ZSCAN21: variants seen among roughly 807,000 people sequenced by gnomAD.
ZSCAN21 encodes the protein zinc finger and SCAN domain-containing protein 21.
A neutral mutation model predicts 35.6 loss-of-function variants in ZSCAN21; 26 were observed. That is an observed-to-expected ratio of 0.73 (90% confidence interval 0.54 to 1.01). ZSCAN21 has a LOEUF of 1.01. Among genes scored for constraint, ZSCAN21 ranks in the 50% least tolerant of loss-of-function variants. The probability of loss-of-function intolerance (pLI) is 0.00; values close to 1 mark genes in which losing one functional copy is unlikely to be tolerated. For missense variants in ZSCAN21, 593 were observed against 587.1 expected, an observed-to-expected ratio of 1.01 and a Z score of -0.10; for synonymous variants, 219 against 219.3, an observed-to-expected ratio of 1.00 and a Z score of 0.01.
At position 100,064,690 on chromosome 7, in the gene ZSCAN21, G is replaced by A. The variant is rs149658742; in HGVS notation, c.*73G>A. 70 of 1,605,838 alleles carry A rather than the reference G, an allele frequency of 4.4e-5. No homozygotes were observed. The African/African-American group carries it at 7.8e-4, about 18-fold the overall frequency. ...AAAACCAGAAAGAAGTCTTGTCATT[G>A]CAGCAGCATCGATTCCGGTGATAGA... On this transcript the variant is annotated 3_prime_UTR_variant, in exon 4 of 4. Transcript: ENST00000292450.
Position 100,065,003 on chromosome 7 carries a change from T to A in ZSCAN21, c.*386T>A. 6.7e-7 allele frequency: 1 copy of A among 1,497,570 alleles called. No homozygotes were observed. The highest frequency in any genetic ancestry group is 9.1e-7 in the Non-Finnish European group (1 of 1,094,622). The allele number at this position is 1,497,570 out of a possible 1,614,324, so 92.8% of individuals were successfully genotyped here. Reference sequence around the variant, plus strand: ...AAGAATTGAGCCACATTGAACACAATTGAATGAGATTCAGAATAAACTTAT... The same window carrying A: ...AAGAATTGAGCCACATTGAACACAAATGAATGAGATTCAGAATAAACTTAT... On this transcript the variant is annotated 3_prime_UTR_variant, in exon 4 of 4. Transcript: ENST00000292450.
intron 1 of ZSCAN21, among the ~76,000 whole-genome samples, chr7:100,053,140 AAAG>A (rs1252213040): frequency 6.6e-6 from 1 of 152,032 alleles, no homozygotes; most frequent in East Asian, 1.9e-4. Context: ...AAAAAAAAAA[AAAG>A]AACTGATGTG....
chr7:100,061,864 T>C (rs937370750), intron 3 of ZSCAN21, among the ~76,000 whole-genome samples: 1 of 152,212 alleles, frequency 6.6e-6, no homozygotes, highest in Non-Finnish European at 1.5e-5. Flanking sequence ...GGTCCCATTT[T>C]TCAGAGCGAA....
intron 1 of ZSCAN21, among the ~76,000 whole-genome samples, chr7:100,051,179 A>AAAAAAAAAAACAAAAAAAAAAAC: frequency 2.4e-5 from 1 of 42,404 alleles, no homozygotes; most frequent in Non-Finnish European, 4.8e-5. Context: ...ACTACGTCTC[A>AAAAAAAAAAACAAAAAAAAAAAC]AAAAAAAAAA....
rs567432198 is a variant in ZSCAN21, at chr7:100,053,317, A to G, written c.-97+3476A>G. Among the ~76,000 whole-genome samples, 20 of 151,954 alleles carry G rather than the reference A, an allele frequency of 1.3e-4. 1 individual carries two copies. The Admixed American group carries it at 1.3e-3, about 10-fold the overall frequency. On this transcript the variant is annotated intron_variant, in intron 1 of 3. Coordinates refer to ENST00000292450, the MANE Select transcript of ZSCAN21 (RefSeq NM_145914.3). ...TCAGAGTGTATCGCACATGAATGTT[A>G]TGTTACTACATGACGCTCCCTGTGT...
chr7:100,060,029 C>T (rs1224370608), intron 3 of ZSCAN21, among the ~76,000 whole-genome samples: 1 of 152,158 alleles, frequency 6.6e-6, no homozygotes, highest in East Asian at 1.9e-4. Flanking sequence ...AATAAAAACA[C>T]AAACAGGCAC....
chr7:100,051,785 A>G (rs1315543960), intron 1 of ZSCAN21, among the ~76,000 whole-genome samples: 1 of 152,084 alleles, frequency 6.6e-6, no homozygotes, highest in Admixed American at 6.6e-5. Context: ...GAAAATGGAC[A>G]CAGAACAAGG....
Position 100,057,260 on chromosome 7 carries a change from T to C in ZSCAN21, c.254T>C (p.Leu85Pro), listed in dbSNP as rs372952380. The change falls in exon 2 of 4, where the codon CTG becomes CCG. Residue 85 changes from leucine (L) to proline (P), a missense_variant. By Grantham distance (98) the Leu-to-Pro change is moderately conservative. Coordinates refer to ENST00000292450, the MANE Select transcript of ZSCAN21 (RefSeq NM_145914.3). ...RPEIHTKEQI[L>P]ELLVLEQFLT... The stretch of plus-strand genomic sequence containing the variant: ...GAGATCCACACCAAGGAGCAGATCC[T>C]GGAGCTACTGGTGCTGGAGCAGTTC... The C allele has an allele frequency of 6.2e-7, 1 of 1,613,868 alleles. No homozygotes were observed. The highest frequency in any genetic ancestry group is 1.1e-5 in the South Asian group (1 of 91,074).
intron 3 of ZSCAN21, among the ~76,000 whole-genome samples, chr7:100,060,065 C>T (rs537807187): frequency 6.6e-6 from 1 of 152,246 alleles, no homozygotes; most frequent in East Asian, 1.9e-4. Context: ...AATAGAATTT[C>T]TAAAAGTGAA....
At chr7:100,055,236 G>T (rs1792033303) in intron 1 of ZSCAN21, among the ~76,000 whole-genome samples, 1 of 150,488 alleles carries the variant, frequency 6.6e-6, no homozygotes, top group South Asian at 2.1e-4. Context: ...GATTACAGAT[G>T]TGAGCCACTG....
intron 1 of ZSCAN21, among the ~76,000 whole-genome samples, chr7:100,052,499 C>T (rs959126150): frequency 2.0e-5 from 3 of 151,462 alleles, no homozygotes; most frequent in Admixed American, 1.3e-4. Flanking sequence ...GTTTTTCGGT[C>T]CAAGTAAAAA....
At chr7:100,059,988 G>C (rs936544870) in intron 3 of ZSCAN21, among the ~76,000 whole-genome samples, 4 of 152,146 alleles carry the variant, frequency 2.6e-5, no homozygotes, top group African/African-American at 9.7e-5. Context: ...GATTACAGGC[G>C]TGAGCCACCA....
intron 3 of ZSCAN21, among the ~76,000 whole-genome samples, chr7:100,063,096 T>C (rs1034935292): frequency 6.6e-5 from 10 of 152,216 alleles, no homozygotes; most frequent in Admixed American, 4.6e-4. Flanking sequence ...GGTCTCCCTA[T>C]GTTGCCCAAG....
In ZSCAN21 at chr7:100,057,373, C is replaced by G. The variant is rs1251653577; in HGVS notation, c.367C>G (p.Leu123Val). The change falls in exon 2 of 4, where the codon CTG becomes GTG. Residue 123 changes from leucine (L) to valine (V), a missense_variant. Physicochemically the swap from Leu to Val is conservative, Grantham distance 32. Coordinates refer to ENST00000292450, the MANE Select transcript of ZSCAN21 (RefSeq NM_145914.3). ...AGAGGCTGTCACTCTCCTCGAAGAT[C>G]TGGAGCGGGAACTGGATGAGCCAGG... is the stretch of plus-strand genomic sequence containing the variant. Reference protein sequence around the residue: ...AEEAVTLLEDLERELDEPGHQ... With the variant: ...AEEAVTLLEDVERELDEPGHQ... 6.4e-7 allele frequency: 1 copy of G among 1,570,096 alleles called. No individual in the cohort carries two copies. The highest frequency in any genetic ancestry group is 1.4e-5 in the African/African-American group (1 of 73,808).
Position 100,064,417 on chromosome 7 carries a change from A to C in ZSCAN21, c.1222A>C (p.Arg408=). 1 of 1,605,822 alleles carries C rather than the reference A, an allele frequency of 6.2e-7. No individual in the cohort carries two copies. Among genetic ancestry groups the C allele is most frequent in the Non-Finnish European group, 8.5e-7 (1 of 1,176,394 alleles). ...GCATGCGGGCCTCAGCTCCCACCAG[A>C]GACTCCACACCGGAGAGAAGCCATA... is the stretch of plus-strand genomic sequence containing the variant. The part of the protein sequence containing the change: ...SQHAGLSSHQ[R]LHTGEKPYKC... Residue 408 remains arginine (R), a synonymous_variant, in exon 4 of 4, where the codon AGA becomes CGA. Coordinates refer to ENST00000292450, the MANE Select transcript of ZSCAN21 (RefSeq NM_145914.3).
chr7:100,054,126 CCT>C (rs1246237129), intron 1 of ZSCAN21, among the ~76,000 whole-genome samples: 6 of 152,018 alleles, frequency 3.9e-5, no homozygotes, highest in African/African-American at 1.5e-4. Context: ...TTGCATCTCC[CCT>C]GACTCAATTT....
chr7:100,057,014 C>T lies in ZSCAN21; in HGVS notation c.8C>T (p.Thr3Ile). 1 of 1,597,740 alleles carries T rather than the reference C, an allele frequency of 6.3e-7. No individual in the cohort carries two copies. The highest frequency in any genetic ancestry group is 1.3e-5 in the African/African-American group (1 of 74,286). Residue 3 changes from threonine (T) to isoleucine (I), a missense_variant, in exon 2 of 4, where the codon ACC (threonine) becomes ATC (isoleucine). Physicochemically the swap from Thr to Ile is moderately conservative, Grantham distance 89 (BLOSUM62 -1). Transcript: ENST00000292450. ...GCTGTTTCTGGAGTTTACATGATGACCAAGGTACTAGGCATGGCCCCAGTT... is the reference window on the plus strand; with the variant it reads ...GCTGTTTCTGGAGTTTACATGATGATCAAGGTACTAGGCATGGCCCCAGTT... The part of the protein sequence containing the change: MM[T>I]KVLGMAPVLG...
rs1337205398 is a variant in ZSCAN21 at position 100,059,337 on chromosome 7, G to A, written c.592+1447G>A. ...TTCCCCAGAGTTGCCACAGTAATTA[G>A]AGATAAAAATAGCCGGAGACCTATC... On this transcript the variant is annotated intron_variant, in intron 3 of 3. Transcript: ENST00000292450. Among the ~76,000 whole-genome samples the A allele has an allele frequency of 3.3e-5, 5 of 152,346 alleles. No individual in the cohort carries two copies. In the East Asian group the frequency reaches 9.6e-4, roughly 29 times the overall value.
chr7:100,051,282 C>CTTTTCTTTTT lies in ZSCAN21; in HGVS notation c.-97+1445_-97+1446insCTTTTTTTTT, dbSNP rs1791863936. Among the ~76,000 whole-genome samples the CTTTTCTTTTT allele has an allele frequency of 5.7e-5, 2 of 34,948 alleles. 1 individual carries two copies. The highest frequency in any genetic ancestry group is 9.3e-4 in the Admixed American group (2 of 2,148). The allele number at this position is 34,948 out of a possible 152,430, so 22.9% of individuals were successfully genotyped here. ...GGCTGCCTAGGGATCTAGGGATTTTCTTTTTTTTTTTTTTTTTTTTTTTTT... is the reference window on the plus strand; with the variant it reads ...GGCTGCCTAGGGATCTAGGGATTTTCTTTTCTTTTTTTTTTTTTTTTTTTTTTTTTTTTTT... On this transcript the variant is annotated intron_variant, in intron 1 of 3. Coordinates refer to ENST00000292450, the MANE Select transcript of ZSCAN21 (RefSeq NM_145914.3).
Sources: gnomAD v4.1 joint callset for allele counts (sites outside exome capture counted in the v4.1 genomes callset) on GRCh38, gnomAD v4.1.1 for gene constraint, MANE v1.5 for transcripts, NCBI Gene and HGNC (gene_info 2026-07-23, HGNC 2026-07-21) for gene names.